The following PCSK6 variants were observed in gnomAD, a reference collection of about 807,000 sequenced individuals.
PCSK6 encodes paired basic amino acid cleaving enzyme 4.
PCSK6 carries 85 observed loss-of-function variants against 123.3 expected under a neutral mutation model. That is an observed-to-expected ratio of 0.69 (90% CI 0.58 to 0.83). PCSK6 has a LOEUF of 0.83. Ranked by LOEUF, PCSK6 falls within the 40% of genes least tolerant of loss-of-function variation. The probability of loss-of-function intolerance (pLI) is 0.00; values close to 1 mark genes in which losing one functional copy is unlikely to be tolerated. For synonymous variants in PCSK6, 508 were observed against 516.0 expected, an observed-to-expected ratio of 0.98 and a Z score of 0.21; for missense variants, 1,191 against 1,282.3, an observed-to-expected ratio of 0.93 and a Z score of 1.09.
chr15:101,376,837 C>T (rs1192093027), intron 11 of PCSK6, among the ~76,000 whole-genome samples: 3 of 152,308 alleles, frequency 2.0e-5, no homozygotes, highest in East Asian at 3.9e-4. Flanking sequence ...CACAGCACCC[C>T]ACAGATCTTC....
At chr15:101,332,980 T>C (rs889322418) in intron 13 of PCSK6, among the ~76,000 whole-genome samples, 2 of 152,254 alleles carry the variant, frequency 1.3e-5, no homozygotes. Flanking sequence ...ATGCATTCAG[T>C]ACACTCCTAG....
chr15:101,470,301 T>A (rs2057573876), intron 1 of PCSK6, among the ~76,000 whole-genome samples: 2 of 152,250 alleles, frequency 1.3e-5, no homozygotes, highest in South Asian at 2.1e-4. Context: ...CTTTATAATG[T>A]AATTAGTGTA....
chr15:101,325,108 C>A, intron 16 of PCSK6, 62 bp from the exon 17 acceptor site: 1 of 1,243,422 alleles, frequency 8.0e-7, no homozygotes, highest in Non-Finnish European at 1.1e-6. Flanking sequence ...CCAGGCCTGC[C>A]CCTTTGTTTC....
chr15:101,392,384 T>C (rs368696660), intron 8 of PCSK6, among the ~76,000 whole-genome samples: 1 of 152,224 alleles, frequency 6.6e-6, no homozygotes, highest in African/African-American at 2.4e-5. Flanking sequence ...GAAGCCTGTA[T>C]GCTCCCACAG....
intron 1 of PCSK6, among the ~76,000 whole-genome samples, chr15:101,445,740 T>C (rs1260813752): frequency 6.6e-6 from 1 of 152,228 alleles, no homozygotes. Flanking sequence ...CTTTTAACTC[T>C]GGGCATTCGA....
intron 11 of PCSK6, among the ~76,000 whole-genome samples, chr15:101,374,720 C>T (rs540524990): frequency 2.4e-4 from 36 of 152,208 alleles, no homozygotes; most frequent in Admixed American, 5.9e-4. Flanking sequence ...AATGGAATGG[C>T]AAGAGTTAAT....
intron 2 of PCSK6, among the ~76,000 whole-genome samples, chr15:101,441,306 A>G (rs994779720): frequency 6.6e-6 from 1 of 152,158 alleles, no homozygotes; most frequent in African/African-American, 2.4e-5. Context: ...TCAATCAAGC[A>G]GCTCAGGTGC....
At chr15:101,341,722 T>C (rs2040612992) in intron 13 of PCSK6, among the ~76,000 whole-genome samples, 2 of 152,136 alleles carry the variant, frequency 1.3e-5, no homozygotes, top group Non-Finnish European at 2.9e-5. Flanking sequence ...TAAGAAATGG[T>C]AAAGGATGTG....
At chr15:101,433,739 A>G (rs544201714) in intron 2 of PCSK6, among the ~76,000 whole-genome samples, 4 of 152,342 alleles carry the variant, frequency 2.6e-5, no homozygotes, top group Non-Finnish European at 4.4e-5. Context: ...GCAAAGGGAC[A>G]AGATTTCTCT....
chr15:101,378,858 C>G (rs1425235505), intron 11 of PCSK6, among the ~76,000 whole-genome samples: 1 of 152,256 alleles, frequency 6.6e-6, no homozygotes, highest in Non-Finnish European at 1.5e-5. Flanking sequence ...CCATGGATGG[C>G]CTTTTTTCAA....
chr15:101,432,386 G>A (rs774396463), intron 2 of PCSK6, among the ~76,000 whole-genome samples: 1 of 151,282 alleles, frequency 6.6e-6, no homozygotes, highest in Non-Finnish European at 1.5e-5. Flanking sequence ...ACGTTGGGAG[G>A]CCGAGGCAGG....
At chr15:101,324,787 G>A in intron 17 of PCSK6, 63 bp downstream of exon 17, 13 of 1,370,866 alleles carry the variant, frequency 9.5e-6, no homozygotes, top group Non-Finnish European at 1.3e-5. Flanking sequence ...CTGGAGAGAG[G>A]ACACGGGCCC....
Position 101,409,910 on chromosome 15 carries a change from C to T in PCSK6, c.824-11334G>A, listed in dbSNP as rs377435565. On this transcript the variant is annotated intron_variant, in intron 6 of 21. Transcript: ENST00000611716. The stretch of plus-strand genomic sequence containing the variant: ...TGGGATCACATCCTCAGCCTGCATT[C>T]TGGGAGGGGCCTTCACACTTTTTTG... 4.6e-5 allele frequency among the ~76,000 whole-genome samples: 7 copies of T among 152,312 alleles called. No homozygotes were observed. In the South Asian group the frequency reaches 1.0e-3, roughly 23 times the overall value.
At chr15:101,481,795 T>C (rs1003009008) in intron 1 of PCSK6, among the ~76,000 whole-genome samples, 1 of 152,200 alleles carries the variant, frequency 6.6e-6, no homozygotes, top group Non-Finnish European at 1.5e-5. Context: ...GTCCAGCTGA[T>C]AAATGTGCAG....
chr15:101,428,937 C>G (rs1232462178), intron 5 of PCSK6, among the ~76,000 whole-genome samples: 1 of 152,204 alleles, frequency 6.6e-6, no homozygotes, highest in Non-Finnish European at 1.5e-5. Flanking sequence ...GGCATCCTCA[C>G]TGGCAGCAGG....
In PCSK6 at chr15:101,370,461, G is replaced by C. The variant is rs1363673549; in HGVS notation, c.1595C>G (p.Ser532Trp). 6.5e-7 allele frequency: 1 copy of C among 1,550,288 alleles called. No individual in the cohort carries two copies. Among genetic ancestry groups the C allele is most frequent in the Admixed American group, 2.0e-5 (1 of 50,832 alleles). ...CTCCAAGTAGACCACCCGCTGGTCC[G>C]AGTGCTCCGCGCAGGCGCTGGTCAG... ...TALTSACAEH[S>W]DQRVVYLEHV... The change falls in exon 12 of 22, where the codon TCG (serine) becomes TGG (tryptophan). Residue 532 changes from serine (S) to tryptophan (W), a missense_variant. Transcript: ENST00000611716.
chr15:101,454,948 AAATGAATGAATG>A (rs141326869), intron 1 of PCSK6, among the ~76,000 whole-genome samples: 9 of 147,808 alleles, frequency 6.1e-5, no homozygotes, highest in South Asian at 4.4e-4. Context: ...CCATCTCAAA[AAATGAATGAATG>A]AATGAATGAA....
intron 6 of PCSK6, among the ~76,000 whole-genome samples, chr15:101,420,538 AT>A (rs1368551087): frequency 2.6e-5 from 4 of 151,784 alleles, no homozygotes; most frequent in Non-Finnish European, 4.4e-5. Context: ...ATTTTTCAAA[AT>A]TTTTTGTAGA....
chr15:101,481,902 T>C (rs1448120434), intron 1 of PCSK6, among the ~76,000 whole-genome samples: 1 of 151,288 alleles, frequency 6.6e-6, no homozygotes, highest in Non-Finnish European at 1.5e-5. Context: ...TAGAGAGAGG[T>C]GTGAGTGGTT....
Sources: allele counts gnomAD v4.1 joint callset (sites outside exome capture counted in the v4.1 genomes callset), GRCh38; gene constraint gnomAD v4.1.1; transcripts MANE v1.5; gene names NCBI Gene and HGNC (gene_info 2026-07-23, HGNC 2026-07-21).